Variants in XIRP2 observed in about 807,000 individuals in gnomAD.
The protein encoded by XIRP2 is xin actin-binding repeat-containing protein 2.
XIRP2 carries 236 observed loss-of-function variants against 277.0 expected under a neutral mutation model. The observed-to-expected ratio is 0.85, with a 90% CI of 0.77 to 0.95. XIRP2 has a LOEUF of 0.95. Ranked by LOEUF, XIRP2 falls within the 40% of genes least tolerant of loss-of-function variation. The pLI is 0.00. For missense variants in XIRP2, 4,640 were observed against 4,157.5 expected (o/e 1.12, Z -3.19); for synonymous variants, 1,490 against 1,416.5 (o/e 1.05, Z -1.17).
At chr2:167,089,093 A>G (rs1423074457) in intron 2 of XIRP2, among the ~76,000 whole-genome samples, 2 of 152,180 alleles carry the variant, frequency 1.3e-5, no homozygotes, top group Non-Finnish European at 2.9e-5. Flanking sequence ...TTAGTACACC[A>G]GCAGTGTACT....
At chr2:166,961,287 T>C (rs1686290269) in intron 2 of XIRP2, among the ~76,000 whole-genome samples, 1 of 151,758 alleles carries the variant, frequency 6.6e-6, no homozygotes, top group Admixed American at 6.6e-5. Flanking sequence ...TATTTAAGCA[T>C]GCCTCACCTA....
At chr2:167,000,692 G>C (rs991998907) in intron 2 of XIRP2, among the ~76,000 whole-genome samples, 2 of 151,764 alleles carry the variant, frequency 1.3e-5, no homozygotes, top group African/African-American at 4.8e-5. Flanking sequence ...TTTACCCAGA[G>C]GTAAACATTT....
chr2:167,007,898 T>C (rs1443982156), intron 2 of XIRP2, among the ~76,000 whole-genome samples: 2 of 151,608 alleles, frequency 1.3e-5, no homozygotes, highest in African/African-American at 4.8e-5. Flanking sequence ...TTAAAATAAT[T>C]AGGTTATTAT....
At chr2:166,957,881 A>G (rs989916375) in intron 2 of XIRP2, among the ~76,000 whole-genome samples, 5 of 151,850 alleles carry the variant, frequency 3.3e-5, no homozygotes, top group African/African-American at 1.2e-4. Context: ...AATATTCTGC[A>G]TTGTATACAG....
At chr2:166,892,320 G>A (rs2105325626) in intron 1 of XIRP2, among the ~76,000 whole-genome samples, 3 of 152,248 alleles carry the variant, frequency 2.0e-5, no homozygotes, top group Admixed American at 2.0e-4. Context: ...AAAATGCTGT[G>A]ATCTCCAAAG....
At chr2:166,971,209 C>T (rs751762671) in intron 2 of XIRP2, among the ~76,000 whole-genome samples, 2 of 151,938 alleles carry the variant, frequency 1.3e-5, no homozygotes, top group Non-Finnish European at 2.9e-5. Flanking sequence ...TATTCTCTTT[C>T]TTCCCCTAGA....
intron 2 of XIRP2, among the ~76,000 whole-genome samples, chr2:167,074,633 T>C (rs1050147123): frequency 6.0e-5 from 8 of 134,018 alleles, no homozygotes; most frequent in South Asian, 2.5e-4. Context: ...CATGTGTGTG[T>C]GCGTGTGTGT....
intron 2 of XIRP2, among the ~76,000 whole-genome samples, chr2:167,091,461 A>T (rs2105275690): frequency 6.6e-6 from 1 of 152,222 alleles, no homozygotes; most frequent in Middle Eastern, 3.4e-3. Context: ...GTCTAATCTC[A>T]TTTAAACCAT....
chr2:167,013,426 G>C (rs1311497379), intron 2 of XIRP2, among the ~76,000 whole-genome samples: 1 of 151,350 alleles, frequency 6.6e-6, no homozygotes, highest in Non-Finnish European at 1.5e-5. Flanking sequence ...ATAAGAATCA[G>C]CTGCAGATTC....
intron 2 of XIRP2, among the ~76,000 whole-genome samples, chr2:167,060,814 C>A (rs1210325871): frequency 6.6e-6 from 1 of 152,058 alleles, no homozygotes; most frequent in Admixed American, 6.6e-5. Context: ...CATTCTTTTT[C>A]AAAATTGATT....
chr2:166,895,400 A>G (rs1483617542), intron 1 of XIRP2, among the ~76,000 whole-genome samples: 6 of 152,182 alleles, frequency 3.9e-5, no homozygotes, highest in African/African-American at 1.4e-4. Flanking sequence ...CTTAGCAAAG[A>G]CAACCACCTG....
At chr2:166,936,055 A>G (rs563531979) in intron 2 of XIRP2, among the ~76,000 whole-genome samples, 3 of 152,216 alleles carry the variant, frequency 2.0e-5, no homozygotes, top group Admixed American at 6.5e-5. Flanking sequence ...CTATTTCTCC[A>G]CATCCTCTCC....
In XIRP2 at chr2:167,259,471, T is replaced by C; in HGVS notation, c.*1654T>C. On this transcript the variant is annotated 3_prime_UTR_variant, in exon 11 of 11. Coordinates refer to ENST00000409195, the MANE Select transcript of XIRP2 (RefSeq NM_152381.6). The stretch of plus-strand genomic sequence containing the variant: ...CCTTTTGAGGAACTTGATGTAAACA[T>C]GGTGTTCAGAAATCTCGTGTCTATC... 2 of 1,129,076 alleles carry C rather than the reference T, an allele frequency of 1.8e-6. No homozygotes were observed. The highest frequency in any genetic ancestry group is 2.4e-6 in the Non-Finnish European group (2 of 819,244). The allele number at this position is 1,129,076 out of a possible 1,614,324, so 69.9% of individuals were successfully genotyped here.
At chr2:166,907,687 A>C (rs1684562448) in intron 2 of XIRP2, among the ~76,000 whole-genome samples, 1 of 151,388 alleles carries the variant, frequency 6.6e-6, no homozygotes. Context: ...ATATGTATAC[A>C]TGTGCCGTGT....
At chr2:166,980,540 C>G (rs572710862) in intron 2 of XIRP2, among the ~76,000 whole-genome samples, 1 of 152,232 alleles carries the variant, frequency 6.6e-6, no homozygotes, top group African/African-American at 2.4e-5. Flanking sequence ...CTTCAGCCTC[C>G]CGAGTAGCTG....
chr2:167,093,286 A>T (rs1317619186), intron 2 of XIRP2, among the ~76,000 whole-genome samples: 7 of 151,732 alleles, frequency 4.6e-5, no homozygotes, highest in Admixed American at 4.6e-4. Flanking sequence ...ATATATATAT[A>T]TATTTTTACA....
chr2:167,024,042 T>A (rs1315478588), intron 2 of XIRP2, among the ~76,000 whole-genome samples: 1 of 152,154 alleles, frequency 6.6e-6, no homozygotes, highest in African/African-American at 2.4e-5. Flanking sequence ...TAAATTACCT[T>A]GTGCAGTATG....
At chr2:167,219,045 G>A (rs556780864) in intron 5 of XIRP2, among the ~76,000 whole-genome samples, 22 of 151,690 alleles carry the variant, frequency 1.5e-4, no homozygotes, top group South Asian at 4.2e-4. Context: ...GAAATGAAGT[G>A]GATGTATTTT....
At chr2:167,157,534 T>C (rs1692236037) in intron 3 of XIRP2, among the ~76,000 whole-genome samples, 1 of 152,010 alleles carries the variant, frequency 6.6e-6, no homozygotes, top group Non-Finnish European at 1.5e-5. Flanking sequence ...AGGCTACCCT[T>C]TTTCTCCATT....
Sources: allele counts gnomAD v4.1 joint callset (sites outside exome capture counted in the v4.1 genomes callset), GRCh38; gene constraint gnomAD v4.1.1; transcripts MANE v1.5; gene names NCBI Gene and HGNC (gene_info 2026-07-23, HGNC 2026-07-21).